The following TMEM132D variants were observed in gnomAD, a reference collection of about 807,000 sequenced individuals.
The protein encoded by TMEM132D is transmembrane protein 132D, also known as mature OL transmembrane protein.
TMEM132D carries 21 observed loss-of-function variants against 62.3 expected under a neutral mutation model. The observed-to-expected ratio is 0.34, with a 90% CI of 0.24 to 0.49. The LOEUF is 0.49. TMEM132D is among the 20% of genes least tolerant of loss of function. The pLI, the probability that TMEM132D is intolerant of heterozygous loss-of-function variation, is 0.99. For synonymous variants in TMEM132D, 621 were observed against 575.6 expected, an observed-to-expected ratio of 1.08 and a Z score of -1.13; for missense variants, 1,346 against 1,402.8, an observed-to-expected ratio of 0.96 and a Z score of 0.65.
intron 4 of TMEM132D, among the ~76,000 whole-genome samples, chr12:129,302,155 G>A (rs1274512811): frequency 6.6e-6 from 1 of 152,152 alleles, no homozygotes; most frequent in Non-Finnish European, 1.5e-5. Flanking sequence ...TTGCTCTCTT[G>A]CCAGGCTGGC....
intron 3 of TMEM132D, among the ~76,000 whole-genome samples, chr12:129,520,976 C>T (rs1174815880): frequency 3.3e-5 from 5 of 152,298 alleles, no homozygotes; most frequent in Non-Finnish European, 7.4e-5. Context: ...TGTTCAAAAA[C>T]AATGCTGAGT....
chr12:129,150,279 G>T (rs1192053090), intron 5 of TMEM132D, among the ~76,000 whole-genome samples: 1 of 152,212 alleles, frequency 6.6e-6, no homozygotes, highest in Non-Finnish European at 1.5e-5. Flanking sequence ...AGCTTCCCAG[G>T]ACCCCGTGGG....
chr12:129,475,895 C>T (rs1009630265), intron 3 of TMEM132D, among the ~76,000 whole-genome samples: 6 of 152,186 alleles, frequency 3.9e-5, no homozygotes, highest in Non-Finnish European at 7.3e-5. Flanking sequence ...TCGATTTAAC[C>T]GGCAATTGCA....
At chr12:129,466,032 G>T (rs1873880732) in intron 3 of TMEM132D, among the ~76,000 whole-genome samples, 1 of 152,118 alleles carries the variant, frequency 6.6e-6, no homozygotes, top group Admixed American at 6.5e-5. Flanking sequence ...TACGGCACAG[G>T]ATTAATGTAA....
intron 3 of TMEM132D, among the ~76,000 whole-genome samples, chr12:129,423,435 G>A (rs1306672590): frequency 6.6e-6 from 1 of 152,170 alleles, no homozygotes; most frequent in African/African-American, 2.4e-5. Context: ...GCTCACTGGG[G>A]ATCTGGTTCT....
chr12:129,242,819 A>G (rs1368099924), intron 4 of TMEM132D, among the ~76,000 whole-genome samples: 3 of 90,324 alleles, frequency 3.3e-5, no homozygotes, highest in African/African-American at 1.2e-4. Context: ...GTCCACTGAT[A>G]AGTTCTTTAA....
intron 4 of TMEM132D, among the ~76,000 whole-genome samples, chr12:129,227,407 G>A (rs1879511409): frequency 6.8e-6 from 1 of 147,350 alleles, no homozygotes; most frequent in African/African-American, 2.5e-5. Flanking sequence ...TAGGAGAGGG[G>A]TTTGGATTAA....
At position 129,405,560 on chromosome 12, in the gene TMEM132D, G is replaced by A. The variant is rs1056203663; in HGVS notation, c.1116-67743C>T. On this transcript the variant is annotated intron_variant, in intron 3 of 8. Coordinates refer to ENST00000422113, the MANE Select transcript of TMEM132D (RefSeq NM_133448.3). ...GAGGTGGGTCGGGAGGTCCTGAGTG[G>A]CCCCACTGCAGGTGCTGTAGTGTGG... Among the ~76,000 whole-genome samples, 5 of 152,136 alleles carry A rather than the reference G, an allele frequency of 3.3e-5. 1 individual carries two copies. Among genetic ancestry groups the A allele is most frequent in the East Asian group, 1.9e-4 (1 of 5,188 alleles).
intron 2 of TMEM132D, among the ~76,000 whole-genome samples, chr12:129,586,941 C>T (rs1032923123): frequency 1.3e-5 from 2 of 152,130 alleles, no homozygotes; most frequent in Non-Finnish European, 2.9e-5. Flanking sequence ...AGCCCACTGA[C>T]TTCACACAGT....
chr12:129,132,045 G>C (rs1232719941), intron 5 of TMEM132D, among the ~76,000 whole-genome samples: 1 of 152,186 alleles, frequency 6.6e-6, no homozygotes, highest in Non-Finnish European at 1.5e-5. Flanking sequence ...ATTTACAAAA[G>C]AGTGAATTCT....
intron 2 of TMEM132D, among the ~76,000 whole-genome samples, chr12:129,563,875 G>A (rs554052631): frequency 1.3e-5 from 2 of 152,264 alleles, no homozygotes; most frequent in South Asian, 4.2e-4. Context: ...GGCCATGAAT[G>A]CTGACATGGC....
chr12:129,367,685 T>G (rs1870461604), intron 3 of TMEM132D, among the ~76,000 whole-genome samples: 2 of 151,998 alleles, frequency 1.3e-5, no homozygotes, highest in Non-Finnish European at 2.9e-5. Context: ...TTTGAATACT[T>G]GGATCCAGCC....
At chr12:129,572,910 G>T (rs1313945029) in intron 2 of TMEM132D, among the ~76,000 whole-genome samples, 3 of 152,124 alleles carry the variant, frequency 2.0e-5, no homozygotes, top group Non-Finnish European at 1.5e-5. Flanking sequence ...AATTAATTTT[G>T]TAAATGTTTC....
Position 129,209,558 on chromosome 12 carries a change from A to T in TMEM132D, c.1405T>A (p.Ser469Thr), listed in dbSNP as rs1320509076. ...TCATCAGACGATCTACACTCCACAG[A>T]CTCCAGCAGCTCTGTCACTGTGCCG... is the stretch of plus-strand genomic sequence containing the variant. ...DDGTVTELLE[S>T]VECRSSDEDV... Residue 469 changes from serine (S) to threonine (T), a missense_variant, in exon 5 of 9, where the codon TCT becomes ACT. By Grantham distance (58) the Ser-to-Thr change is moderately conservative. Coordinates refer to ENST00000422113, the MANE Select transcript of TMEM132D (RefSeq NM_133448.3). 6.2e-7 allele frequency: 1 copy of T among 1,613,926 alleles called. No individual in the cohort carries two copies. The highest frequency in any genetic ancestry group is 1.7e-5 in the Admixed American group (1 of 60,024).
At chr12:129,116,333 G>T (rs981458069) in intron 5 of TMEM132D, among the ~76,000 whole-genome samples, 1 of 152,188 alleles carries the variant, frequency 6.6e-6, no homozygotes, top group Non-Finnish European at 1.5e-5. Flanking sequence ...CAGCTGGCCA[G>T]TCCTAGTCAT....
chr12:129,236,791 C>G (rs1879798547), intron 4 of TMEM132D, among the ~76,000 whole-genome samples: 1 of 151,982 alleles, frequency 6.6e-6, no homozygotes, highest in Admixed American at 6.6e-5. Context: ...AGTGGGCATC[C>G]TTGTCTTGTT....
At chr12:129,637,851 A>T (rs962531536) in intron 2 of TMEM132D, among the ~76,000 whole-genome samples, 1 of 152,050 alleles carries the variant, frequency 6.6e-6, no homozygotes, top group Non-Finnish European at 1.5e-5. Context: ...CTTTTAAACC[A>T]CCAGATCTGG....
At chr12:129,647,932 T>C (rs1879829115) in intron 2 of TMEM132D, among the ~76,000 whole-genome samples, 1 of 152,192 alleles carries the variant, frequency 6.6e-6, no homozygotes, top group South Asian at 2.1e-4. Context: ...AGTTCATTTC[T>C]GGGCATAGGC....
At chr12:129,192,708 T>G (rs985570157) in intron 5 of TMEM132D, among the ~76,000 whole-genome samples, 7 of 152,198 alleles carry the variant, frequency 4.6e-5, no homozygotes, top group Admixed American at 1.3e-4. Context: ...ACTGGTGAGA[T>G]TTTGTGGCAC....
Sources: allele counts gnomAD v4.1 joint callset (sites outside exome capture counted in the v4.1 genomes callset), GRCh38; gene constraint gnomAD v4.1.1; transcripts MANE v1.5; gene names NCBI Gene and HGNC (gene_info 2026-07-23, HGNC 2026-07-21).